PCDHGA4: variants seen among roughly 807,000 people sequenced by gnomAD.
The protein encoded by PCDHGA4 is protocadherin gamma subfamily A, 4.
PCDHGA4 carries 38 observed loss-of-function variants against 54.6 expected under a neutral mutation model. The observed-to-expected ratio is 0.70, with a 90% CI of 0.54 to 0.91. The LOEUF is 0.91. Ranked by LOEUF, PCDHGA4 falls within the 40% of genes least tolerant of loss-of-function variation. The pLI, the probability that PCDHGA4 is intolerant of heterozygous loss-of-function variation, is 0.00. For missense variants in PCDHGA4, 1,298 were observed against 1,220.9 expected, an observed-to-expected ratio of 1.06 and a Z score of -0.94; for synonymous variants, 511 against 512.9, an observed-to-expected ratio of 1.00 and a Z score of 0.05.
intron 1 of PCDHGA4, among the ~76,000 whole-genome samples, chr5:141,455,425 A>G (rs2098822334): frequency 1.3e-5 from 2 of 152,168 alleles, no homozygotes; most frequent in African/African-American, 2.4e-5. Flanking sequence ...CGGGGCTCCA[A>G]AAGAGGAGGT....
chr5:141,510,656 A>C (rs761093897), intron 3 of PCDHGA4, among the ~76,000 whole-genome samples: 4 of 152,304 alleles, frequency 2.6e-5, no homozygotes, highest in Non-Finnish European at 5.9e-5. Flanking sequence ...CCCATTTTGC[A>C]GATGAGAAAA....
At chr5:141,371,108 C>T (rs754711722) in intron 1 of PCDHGA4, 1 of 1,613,760 alleles carries the variant, frequency 6.2e-7, no homozygotes, top group African/African-American at 1.3e-5. Context: ...CAAATGATAA[C>T]CCCCCAGTAT....
chr5:141,414,066 A>G, intron 1 of PCDHGA4: 2 of 1,608,358 alleles, frequency 1.2e-6, no homozygotes, highest in African/African-American at 1.3e-5. Context: ...TGAAGTTCCA[A>G]CTAAACAAAT....
At chr5:141,364,826 T>C in intron 1 of PCDHGA4, 1 of 1,613,980 alleles carries the variant, frequency 6.2e-7, no homozygotes, top group Non-Finnish European at 8.5e-7. Flanking sequence ...GGGTGTGAAC[T>C]CTCTCCGGAG....
At chr5:141,392,242 G>T (rs1294476832) in intron 1 of PCDHGA4, 1 of 152,134 alleles carries the variant, frequency 6.6e-6, no homozygotes, top group Non-Finnish European at 1.5e-5. Context: ...TTAGTTATTT[G>T]TTAGTATATA....
Position 141,355,331 on chromosome 5 carries a change from T to A in PCDHGA4, c.224T>A (p.Val75Glu), listed in dbSNP as rs1588509224. The A allele has an allele frequency of 1.2e-6, 2 of 1,613,978 alleles. No individual in the cohort carries two copies. Among genetic ancestry groups the A allele is most frequent in the Non-Finnish European group, 8.5e-7 (1 of 1,179,892 alleles). ...TTTGAGGAGCAGGAAGAAGGCTCAGTGGTGGGCAACATCGCCAAGGACCTG... is the reference window on the plus strand; with the variant it reads ...TTTGAGGAGCAGGAAGAAGGCTCAGAGGTGGGCAACATCGCCAAGGACCTG... The part of the protein sequence containing the change: ...SVFEEQEEGS[V>E]VGNIAKDLGL... Residue 75 changes from valine (V) to glutamate (E), a missense_variant, in exon 1 of 4, where the codon GTG becomes GAG. Transcript: ENST00000571252.
rs753358324 is a variant in PCDHGA4, at chr5:141,487,328, G to A, written c.2515-7479G>A. On this transcript the variant is annotated intron_variant, in intron 1 of 3. Transcript: ENST00000571252. This position sits in a 1 kb window ranked among gnomAD's most constrained non-coding sequence, Gnocchi z 5.0. ...ACTACTCTCTAAGTGTCTTCGTGGG[G>A]CAGCCTGTGGAGTCACATGCTTTCC... 1.2e-6 allele frequency: 2 copies of A among 1,613,962 alleles called. No individual in the cohort carries two copies. The highest frequency in any genetic ancestry group is 2.2e-5 in the East Asian group (1 of 44,874).
chr5:141,472,068 G>C (rs1050927364), intron 1 of PCDHGA4, among the ~76,000 whole-genome samples: 7 of 151,974 alleles, frequency 4.6e-5, no homozygotes, highest in Non-Finnish European at 8.8e-5. Context: ...CATGTCTGTG[G>C]TTATATCAAT....
intron 1 of PCDHGA4, chr5:141,365,132 G>T: frequency 1.9e-6 from 3 of 1,613,884 alleles, no homozygotes; most frequent in Admixed American, 1.7e-5. Flanking sequence ...AACCGCCACG[G>T]ATCCAGATGA....
chr5:141,462,009 G>A (rs2099028674), intron 1 of PCDHGA4, among the ~76,000 whole-genome samples: 1 of 152,190 alleles, frequency 6.6e-6, no homozygotes, highest in Admixed American at 6.5e-5. Context: ...TTTTAATAGA[G>A]ACGGGGTTTC....
intron 2 of PCDHGA4, among the ~76,000 whole-genome samples, chr5:141,499,689 CTTTTTTT>C (rs545067566): frequency 8.3e-6 from 1 of 119,856 alleles, no homozygotes; most frequent in Non-Finnish European, 1.7e-5. Flanking sequence ...TAACAGATGA[CTTTTTTT>C]TTTTTTTTTT....
Position 141,431,142 on chromosome 5 carries a change from A to G in PCDHGA4, c.2515-63665A>G. ...GAAGTAGAAGTAAGGGACATTAACG[A>G]CAATGCGCCTTACTTTCGTGAAAGT... On this transcript the variant is annotated intron_variant, in intron 1 of 3. Coordinates refer to ENST00000571252, the MANE Select transcript of PCDHGA4 (RefSeq NM_018917.4). This position sits in a 1 kb window ranked among gnomAD's most constrained non-coding sequence, Gnocchi z 4.8. 1 of 1,614,240 alleles carries G rather than the reference A, an allele frequency of 6.2e-7. No individual in the cohort carries two copies. Among genetic ancestry groups the G allele is most frequent in the Non-Finnish European group, 8.5e-7 (1 of 1,180,024 alleles).
intron 1 of PCDHGA4, chr5:141,376,282 G>A: frequency 6.2e-7 from 1 of 1,614,214 alleles, no homozygotes; most frequent in Non-Finnish European, 8.5e-7. Context: ...GTGGCTTAGC[G>A]AGCATGCCCG....
chr5:141,365,782 C>T (rs369080489), intron 1 of PCDHGA4: 274 of 1,613,792 alleles, frequency 1.7e-4, no homozygotes, highest in Non-Finnish European at 2.2e-4. Context: ...GCGGCGACAA[C>T]GCTCGAGTCA....
chr5:141,433,262 T>A, intron 1 of PCDHGA4: 1 of 1,339,436 alleles, frequency 7.5e-7, no homozygotes, highest in Non-Finnish European at 1.0e-6. Flanking sequence ...GGTACGATCA[T>A]AGCTCACTGC....
chr5:141,361,413 C>T (rs1294377498), intron 1 of PCDHGA4: 1 of 1,613,902 alleles, frequency 6.2e-7, no homozygotes, highest in African/African-American at 1.3e-5. Context: ...CAGCCACCGA[C>T]GGGGGCAAGC....
intron 1 of PCDHGA4, among the ~76,000 whole-genome samples, chr5:141,406,686 T>G (rs918855962): frequency 1.3e-5 from 2 of 152,244 alleles, no homozygotes; most frequent in African/African-American, 4.8e-5. Flanking sequence ...TAGGACATTC[T>G]TCTTTTCTAT....
At chr5:141,415,740 G>GTTTTTTTTTTTTTTTTT (rs57426385) in intron 1 of PCDHGA4, 21 of 625,042 alleles carry the variant, frequency 3.4e-5, no homozygotes, top group African/African-American at 7.5e-5. Flanking sequence ...GTTTATTAAG[G>GTTTTTTTTTTTTTTTTT]TTTTTTTTTT....
At chr5:141,418,328 G>A (rs1298044571) in intron 1 of PCDHGA4, 1 of 1,614,002 alleles carries the variant, frequency 6.2e-7, no homozygotes, top group Non-Finnish European at 8.5e-7. Flanking sequence ...TCTTGAGTCT[G>A]CAGAAGATCC....
Sources: gnomAD v4.1 joint callset for allele counts (sites outside exome capture counted in the v4.1 genomes callset) on GRCh38, gnomAD v4.1.1 for gene constraint, Gnocchi (gnomAD v3.1) non-coding constraint, MANE v1.5 for transcripts, NCBI Gene and HGNC (gene_info 2026-07-23, HGNC 2026-07-21) for gene names.